Variants in NME7 observed in about 807,000 individuals in gnomAD.
The protein encoded by NME7 is NME/NM23 family member 7.
NME7 carries 41 observed loss-of-function variants against 49.1 expected under a neutral mutation model. The observed-to-expected ratio is 0.83, with a 90% confidence interval of 0.65 to 1.08. NME7 has a LOEUF of 1.08. Among genes scored for constraint, NME7 ranks in the 50% least tolerant of loss-of-function variants. The probability of loss-of-function intolerance (pLI) is 0.00; values close to 1 mark genes in which losing one functional copy is unlikely to be tolerated. For synonymous variants in NME7, 139 were observed against 150.6 expected (o/e 0.92, Z 0.56); for missense variants, 423 against 463.4 (o/e 0.91, Z 0.80).
chr1:169,317,802 TC>T (rs1651705377), intron 3 of NME7, among the ~76,000 whole-genome samples: 1 of 152,146 alleles, frequency 6.6e-6, no homozygotes, highest in Non-Finnish European at 1.5e-5. Context: ...GTACTCTTGC[TC>T]CTCATGAGTA....
At chr1:169,335,729 T>A (rs996888754) in intron 1 of NME7, among the ~76,000 whole-genome samples, 1 of 147,262 alleles carries the variant, frequency 6.8e-6, no homozygotes, top group Admixed American at 6.8e-5. Context: ...AAATAAATAA[T>A]ATATATTTAA....
chr1:169,133,708 C>G (rs1330394043), intron 11 of NME7, among the ~76,000 whole-genome samples: 1 of 152,164 alleles, frequency 6.6e-6, no homozygotes, highest in African/African-American at 2.4e-5. Flanking sequence ...TGAAATGACA[C>G]AGAAAAATCC....
At chr1:169,265,191 A>G (rs1649283185) in intron 7 of NME7, among the ~76,000 whole-genome samples, 3 of 132,964 alleles carry the variant, frequency 2.3e-5, no homozygotes, top group Admixed American at 7.4e-5. Context: ...ACGCCAAACC[A>G]TATCACCACA....
chr1:169,262,509 G>A (rs574462900), intron 7 of NME7, among the ~76,000 whole-genome samples: 1 of 134,092 alleles, frequency 7.5e-6, no homozygotes. Context: ...GCCACTCCCA[G>A]GGGGAGAAAA....
intron 10 of NME7, among the ~76,000 whole-genome samples, chr1:169,181,246 C>T (rs1659921004): frequency 6.6e-6 from 1 of 151,838 alleles, no homozygotes; most frequent in African/African-American, 2.4e-5. Context: ...TGCCAATGTT[C>T]GTCATTATCC....
intron 11 of NME7, among the ~76,000 whole-genome samples, chr1:169,162,452 T>C (rs1659278124): frequency 6.6e-6 from 1 of 152,148 alleles, no homozygotes; most frequent in Admixed American, 6.5e-5. Context: ...ATATTTGCTA[T>C]ACATAACTGT....
At chr1:169,264,168 T>C (rs1310857338) in intron 7 of NME7, among the ~76,000 whole-genome samples, 1 of 133,158 alleles carries the variant, frequency 7.5e-6, no homozygotes, top group Admixed American at 7.3e-5. Context: ...AGACAAGTGA[T>C]ACTATGAAGC....
intron 11 of NME7, among the ~76,000 whole-genome samples, chr1:169,165,482 A>G (rs1266134100): frequency 3.9e-5 from 6 of 152,182 alleles, no homozygotes; most frequent in African/African-American, 1.4e-4. Context: ...GGATAACAAT[A>G]TATTCTAGTT....
chr1:169,212,969 T>G (rs1251743024), intron 10 of NME7, among the ~76,000 whole-genome samples: 1 of 152,110 alleles, frequency 6.6e-6, no homozygotes, highest in East Asian at 1.9e-4. Flanking sequence ...TTACATTTTT[T>G]GCATTTTTGT....
At chr1:169,311,396 G>T (rs1245700357) in intron 3 of NME7, among the ~76,000 whole-genome samples, 2 of 143,606 alleles carry the variant, frequency 1.4e-5, no homozygotes, top group Non-Finnish European at 3.0e-5. Flanking sequence ...TCCAGCCTGG[G>T]CGACAGCGAG....
chr1:169,167,612 A>G (rs924441597), intron 11 of NME7, among the ~76,000 whole-genome samples: 1 of 152,152 alleles, frequency 6.6e-6, no homozygotes, highest in African/African-American at 2.4e-5. Flanking sequence ...ATTTTCACTT[A>G]TATTTTCTCA....
At chr1:169,248,865 T>G (rs889982814) in intron 7 of NME7, among the ~76,000 whole-genome samples, 12 of 146,700 alleles carry the variant, frequency 8.2e-5, no homozygotes, top group African/African-American at 3.0e-4. Context: ...AGCACTATTT[T>G]TGTAACTACA....
chr1:169,164,299 T>C (rs1659341496), intron 11 of NME7, among the ~76,000 whole-genome samples: 1 of 152,236 alleles, frequency 6.6e-6, no homozygotes. Context: ...CTTCCTTCCT[T>C]TCTTTCAAAA....
intron 7 of NME7, among the ~76,000 whole-genome samples, chr1:169,257,837 C>G (rs1455832594): frequency 7.5e-6 from 1 of 133,666 alleles, no homozygotes; most frequent in East Asian, 2.0e-4. Context: ...CAGTTATTCT[C>G]TTTAAGAAGG....
chr1:169,238,122 C>A (rs6427180), intron 7 of NME7, among the ~76,000 whole-genome samples: 57,158 of 151,388 alleles, frequency 0.38, 11,465 homozygotes, highest in East Asian at 0.79. Flanking sequence ...AGAAGCTTCA[C>A]GGGGAAATGA....
chr1:169,294,946 T>G (rs919269565), intron 6 of NME7, among the ~76,000 whole-genome samples: 1 of 152,094 alleles, frequency 6.6e-6, no homozygotes, highest in African/African-American at 2.4e-5. Flanking sequence ...CATGAATAGA[T>G]TAATGCCCTC....
At chr1:169,208,056 G>T (rs1354045869) in intron 10 of NME7, among the ~76,000 whole-genome samples, 1 of 152,046 alleles carries the variant, frequency 6.6e-6, no homozygotes, top group Non-Finnish European at 1.5e-5. Context: ...CTCTTTTGGA[G>T]ATTCACAATG....
intron 1 of NME7, among the ~76,000 whole-genome samples, chr1:169,325,621 A>C (rs1652032459): frequency 6.6e-6 from 1 of 152,162 alleles, no homozygotes; most frequent in Non-Finnish European, 1.5e-5. Flanking sequence ...GGAATCTAGG[A>C]GTTTTATTGC....
intron 1 of NME7, among the ~76,000 whole-genome samples, chr1:169,328,386 G>A (rs780213007): frequency 8.5e-5 from 13 of 152,248 alleles, no homozygotes; most frequent in South Asian, 2.1e-4. Flanking sequence ...CTCCCAAAGC[G>A]ATGATGGTGG....
Sources: allele counts gnomAD v4.1 joint callset (sites outside exome capture counted in the v4.1 genomes callset), GRCh38; gene constraint gnomAD v4.1.1; transcripts MANE v1.5; gene names NCBI Gene and HGNC (gene_info 2026-07-23, HGNC 2026-07-21).